The following PCDHGB7 variants were observed in gnomAD, a reference collection of about 807,000 sequenced individuals.
PCDHGB7 encodes protocadherin gamma-B7.
In PCDHGB7, 37 loss-of-function variants were observed where a neutral mutation model predicts 61.4. That is an observed-to-expected ratio of 0.60 (90% CI 0.46 to 0.79). PCDHGB7 has a LOEUF of 0.79. Ranked by LOEUF, PCDHGB7 falls within the 30% of genes least tolerant of loss-of-function variation. PCDHGB7 has a pLI of 0.00. For missense variants in PCDHGB7, 1,166 were observed against 1,202.5 expected, an observed-to-expected ratio of 0.97 and a Z score of 0.45; for synonymous variants, 464 against 503.5, an observed-to-expected ratio of 0.92 and a Z score of 1.05.
At chr5:141,482,943 G>T (rs2099574928) in intron 1 of PCDHGB7, among the ~76,000 whole-genome samples, 1 of 152,086 alleles carries the variant, frequency 6.6e-6, no homozygotes, top group Non-Finnish European at 1.5e-5. Context: ...TGTGGTTGTG[G>T]GTGCCTGTAA....
chr5:141,448,449 T>A (rs528049717), intron 1 of PCDHGB7, among the ~76,000 whole-genome samples: 1 of 152,166 alleles, frequency 6.6e-6, no homozygotes, highest in Non-Finnish European at 1.5e-5. Context: ...CTGACTTCCA[T>A]CCCTATCCTA....
Position 141,420,286 on chromosome 5 carries a change from A to C in PCDHGB7, c.2415+12A>C. The C allele has an allele frequency of 6.6e-7, 1 of 1,505,774 alleles. No homozygotes were observed. Among genetic ancestry groups the C allele is most frequent in the Non-Finnish European group, 8.9e-7 (1 of 1,117,888 alleles). The allele number at this position is 1,505,774 out of a possible 1,614,324, so 93.3% of individuals were successfully genotyped here. On this transcript the variant is annotated intron_variant, in intron 1 of 3. Transcript: ENST00000398594. ...AGATTCTTAAACAGGTAAGTATTTA[A>C]AAATGTATTTAATCCTTTTTATATT...
Position 141,418,806 on chromosome 5 carries a change from C to T in PCDHGB7, c.947C>T (p.Thr316Met), listed in dbSNP as rs200530054. The T allele has an allele frequency of 3.0e-5, 49 of 1,613,694 alleles. No individual in the cohort carries two copies. In the African/African-American group the frequency reaches 5.9e-4, roughly 19 times the overall value. The change falls in exon 1 of 4, where the codon ACG becomes ATG. Residue 316 changes from threonine to methionine, a missense_variant. Thr to Met is a moderately conservative substitution (Grantham distance 81, BLOSUM62 -1). Transcript: ENST00000398594. ...PLDFEEVERY[T>M]INIEAKDRGS... is the part of the protein sequence containing the mutation. ...GATTTTGAAGAAGTAGAAAGATATA[C>T]GATAAACATAGAAGCAAAAGACCGA...
chr5:141,426,629 T>G (rs1384012221), intron 1 of PCDHGB7: 4 of 397,284 alleles, frequency 1.0e-5, no homozygotes, highest in South Asian at 7.2e-5. Context: ...CTCTAAATGT[T>G]TTTCACATAA....
chr5:141,476,507 A>G lies in PCDHGB7; in HGVS notation c.2416-18300A>G. 1 of 1,614,102 alleles carries G rather than the reference A, an allele frequency of 6.2e-7. No individual in the cohort carries two copies. The highest frequency in any genetic ancestry group is 8.5e-7 in the Non-Finnish European group (1 of 1,180,008). On this transcript the variant is annotated intron_variant, in intron 1 of 3. Transcript: ENST00000398594. This position sits in a 1 kb window ranked among gnomAD's most constrained non-coding sequence, Gnocchi z 7.6. Reference sequence around the variant, plus strand: ...AGTGGTGATCCAGGACATCAACGACAACAATCCTGCTTTCCCTACCCAGGA... The same window carrying G: ...AGTGGTGATCCAGGACATCAACGACGACAATCCTGCTTTCCCTACCCAGGA...
intron 1 of PCDHGB7, chr5:141,427,957 C>T: frequency 2.5e-6 from 4 of 1,588,402 alleles, no homozygotes; most frequent in South Asian, 1.1e-5. Context: ...GACAATGTGC[C>T]GCGGGTGCTG....
intron 1 of PCDHGB7, among the ~76,000 whole-genome samples, chr5:141,446,325 T>G (rs1440954528): frequency 3.9e-5 from 6 of 152,124 alleles, no homozygotes; most frequent in African/African-American, 1.4e-4. Flanking sequence ...GTTTCCACAT[T>G]AAGGAACTGG....
At chr5:141,460,983 G>GTGTGTA (rs1554142949) in intron 1 of PCDHGB7, among the ~76,000 whole-genome samples, 82 of 137,842 alleles carry the variant, frequency 5.9e-4, no homozygotes, top group African/African-American at 1.9e-3. Flanking sequence ...GTGTGTGTGT[G>GTGTGTA]TATATATATA....
intron 1 of PCDHGB7, 39 bp downstream of exon 1, chr5:141,420,313 C>T (rs751944742): frequency 1.6e-5 from 23 of 1,434,756 alleles, no homozygotes; most frequent in Non-Finnish European, 2.2e-5. Flanking sequence ...TTTTATATTA[C>T]AATATGCCAA....
chr5:141,440,990 C>T (rs1195325115), intron 1 of PCDHGB7: 2 of 152,172 alleles, frequency 1.3e-5, no homozygotes, highest in African/African-American at 4.8e-5. Flanking sequence ...CCAGAGTACC[C>T]ATATCTAGTT....
In PCDHGB7 at chr5:141,465,057, A is replaced by T. The variant is rs1253395484; in HGVS notation, c.2416-29750A>T. 3.3e-5 allele frequency among the ~76,000 whole-genome samples: 5 copies of T among 151,646 alleles called. No homozygotes were observed. The East Asian group carries it at 9.6e-4, about 29-fold the overall frequency. ...ACAAATGACCCTATATATTTTTTTG[A>T]ATTGTCTGTTCATGTCTTATTTTCA... On this transcript the variant is annotated intron_variant, in intron 1 of 3. Coordinates refer to ENST00000398594, the MANE Select transcript of PCDHGB7 (RefSeq NM_018927.4).
intron 1 of PCDHGB7, chr5:141,427,316 C>G: frequency 2.2e-6 from 1 of 457,002 alleles, no homozygotes; most frequent in Non-Finnish European, 4.4e-6. Context: ...ATGCCCCAGA[C>G]GTGGTTTTTA....
Position 141,419,584 on chromosome 5 carries a change from C to G in PCDHGB7, c.1725C>G (p.Phe575Leu). Reference sequence around the variant, plus strand: ...TGGGTCCCGACGGCTCCGCGCTCTTCGACACAGTGCCGCGGGCCGCGCAGC... The same window carrying G: ...TGGGTCCCGACGGCTCCGCGCTCTTGGACACAGTGCCGCGGGCCGCGCAGC... ...PALGPDGSAL[F>L]DTVPRAAQPG... Residue 575 changes from phenylalanine to leucine, a missense_variant, in exon 1 of 4, where the codon TTC becomes TTG. Transcript: ENST00000398594. The G allele has an allele frequency of 6.2e-7, 1 of 1,611,800 alleles. No homozygotes were observed.
intron 1 of PCDHGB7, among the ~76,000 whole-genome samples, chr5:141,430,322 C>G (rs1266324669): frequency 6.7e-6 from 1 of 150,364 alleles, no homozygotes; most frequent in Non-Finnish European, 1.5e-5. Flanking sequence ...AGATTAAAAT[C>G]ATTGTTTATA....
At chr5:141,439,531 G>A (rs1474855779) in intron 1 of PCDHGB7, among the ~76,000 whole-genome samples, 5 of 152,126 alleles carry the variant, frequency 3.3e-5, no homozygotes, top group Admixed American at 3.3e-4. Flanking sequence ...TCTACAGAAC[G>A]CTGTCCTCTC....
At chr5:141,423,034 G>A (rs769232324) in intron 1 of PCDHGB7, 1 of 1,614,200 alleles carries the variant, frequency 6.2e-7, no homozygotes, top group Non-Finnish European at 8.5e-7. Context: ...AGGCCAGAAC[G>A]CCTGGCTGTC....
At position 141,476,901 on chromosome 5, in the gene PCDHGB7, G is replaced by C; in HGVS notation, c.2416-17906G>C. On this transcript the variant is annotated intron_variant, in intron 1 of 3. Coordinates refer to ENST00000398594, the MANE Select transcript of PCDHGB7 (RefSeq NM_018927.4). The surrounding 1 kb of genome is among the most constrained non-coding windows in gnomAD (Gnocchi z 7.6). ...CTGGAGGATGCACCCTCCGGCACGC[G>C]CGTGGTACAAGTCCTTGCAACGGAT... The C allele has an allele frequency of 1.2e-6, 2 of 1,613,900 alleles. No homozygotes were observed. Among genetic ancestry groups the C allele is most frequent in the Non-Finnish European group, 1.7e-6 (2 of 1,180,034 alleles).
chr5:141,510,825 G>C, intron 3 of PCDHGB7, 122 bp from the exon 4 acceptor site: 2 of 1,566,486 alleles, frequency 1.3e-6, no homozygotes, highest in Non-Finnish European at 1.7e-6. Flanking sequence ...TATATTCCCA[G>C]TGCTCAGCGT....
Position 141,489,463 on chromosome 5 carries a change from T to C in PCDHGB7, c.2416-5344T>C. ...GGGCTCTGAGGAGAATGGGCGCTAT[T>C]TTTCCCTGAGCTTGATGAGTGGTGC... On this transcript the variant is annotated intron_variant, in intron 1 of 3. Transcript: ENST00000398594. This position sits in a 1 kb window ranked among gnomAD's most constrained non-coding sequence, Gnocchi z 4.5. 6.2e-7 allele frequency: 1 copy of C among 1,614,050 alleles called. No individual in the cohort carries two copies. The highest frequency in any genetic ancestry group is 8.5e-7 in the Non-Finnish European group (1 of 1,180,002).
Sources: gnomAD v4.1 joint callset for allele counts (sites outside exome capture counted in the v4.1 genomes callset) on GRCh38, gnomAD v4.1.1 for gene constraint, Gnocchi (gnomAD v3.1) non-coding constraint, MANE v1.5 for transcripts, NCBI Gene and HGNC (gene_info 2026-07-23, HGNC 2026-07-21) for gene names.